ANKRD44: variants seen among roughly 807,000 people sequenced by gnomAD.
ANKRD44 encodes ankyrin repeat domain 44, also known as serine/threonine-protein phosphatase 6 regulatory ankyrin repeat subunit B.
ANKRD44 carries 35 observed loss-of-function variants against 116.0 expected under a neutral mutation model. The observed-to-expected ratio is 0.30, with a 90% CI of 0.23 to 0.40. The LOEUF is 0.40. Among genes scored for constraint, ANKRD44 ranks in the 10% least tolerant of loss-of-function variants. The probability of loss-of-function intolerance (pLI) is 1.00; values close to 1 mark genes in which losing one functional copy is unlikely to be tolerated. For synonymous variants in ANKRD44, 435 were observed against 461.8 expected, an observed-to-expected ratio of 0.94 and a Z score of 0.74; for missense variants, 1,014 against 1,242.6, an observed-to-expected ratio of 0.82 and a Z score of 2.77.
rs578098852 is a variant in ANKRD44, at chr2:197,100,880, T to C, written c.986-950A>G. ...TTTTTATTTCACTAAATTTCTTTTT[T>C]TCTCTCCCTTTTTCGTGTGTGTGTA... On this transcript the variant is annotated intron_variant, in intron 9 of 27. Coordinates refer to ENST00000282272, the MANE Select transcript of ANKRD44 (RefSeq NM_001195144.2). Among the ~76,000 whole-genome samples the C allele has an allele frequency of 3.3e-5, 5 of 152,350 alleles. No homozygotes were observed. The South Asian group carries it at 1.0e-3, about 32-fold the overall frequency.
At chr2:197,098,798 A>G (rs898043749) in intron 10 of ANKRD44, among the ~76,000 whole-genome samples, 2 of 152,206 alleles carry the variant, frequency 1.3e-5, no homozygotes, top group African/African-American at 4.8e-5. Context: ...AAGTACTAGT[A>G]TTACTAGTAT....
chr2:197,260,891 G>T, intron 1 of ANKRD44, among the ~76,000 whole-genome samples: 1 of 62,164 alleles, frequency 1.6e-5, no homozygotes. Flanking sequence ...AGAAGTGTCT[G>T]TTCATGTCCT....
intron 1 of ANKRD44, among the ~76,000 whole-genome samples, chr2:197,192,954 T>G (rs1370705101): frequency 6.6e-6 from 1 of 152,218 alleles, no homozygotes; most frequent in Non-Finnish European, 1.5e-5. Flanking sequence ...CAGGCTATGC[T>G]GCAGAGTAAA....
chr2:197,010,424 G>A (rs4850407), intron 18 of ANKRD44, among the ~76,000 whole-genome samples: 16,624 of 152,046 alleles, frequency 0.11, 1,047 homozygotes, highest in East Asian at 0.16. Context: ...GCCCCTCCTC[G>A]CCCAGCGGAC....
intron 14 of ANKRD44, 22 bp downstream of exon 14, chr2:197,083,347 G>T (rs2077841786): frequency 2.5e-6 from 4 of 1,604,852 alleles, no homozygotes; most frequent in African/African-American, 2.7e-5. Context: ...CCCAGAGGAA[G>T]CATGAGCAAG....
chr2:196,999,132 G>A, intron 23 of ANKRD44, 80 bp from the exon 24 acceptor site: 2 of 1,513,510 alleles, frequency 1.3e-6, no homozygotes, highest in Non-Finnish European at 1.8e-6. Context: ...ACATGCACAA[G>A]GTGTTGTCTT....
intron 1 of ANKRD44, among the ~76,000 whole-genome samples, chr2:197,264,693 G>A (rs1306948749): frequency 6.6e-6 from 1 of 152,158 alleles, no homozygotes; most frequent in Non-Finnish European, 1.5e-5. Context: ...TCTCTAGCCA[G>A]AGATGGCAGG....
chr2:197,162,546 AG>A (rs2079992833), intron 2 of ANKRD44, among the ~76,000 whole-genome samples: 1 of 152,362 alleles, frequency 6.6e-6, no homozygotes, highest in South Asian at 2.1e-4. Flanking sequence ...TTGAGAACCA[AG>A]GACATTAGAC....
chr2:197,086,601 A>T, intron 13 of ANKRD44, 79 bp downstream of exon 13: 1 of 1,388,616 alleles, frequency 7.2e-7, no homozygotes, highest in South Asian at 1.2e-5. Context: ...TTACCATTTC[A>T]ACCTAACTTG....
At chr2:197,017,585 G>C (rs111533468) in intron 17 of ANKRD44, among the ~76,000 whole-genome samples, 6 of 152,266 alleles carry the variant, frequency 3.9e-5, no homozygotes, top group African/African-American at 1.4e-4. Context: ...AACAACTCAT[G>C]CTGATGAATC....
chr2:197,167,913 T>A (rs1470043432), intron 2 of ANKRD44, among the ~76,000 whole-genome samples: 1 of 152,250 alleles, frequency 6.6e-6, no homozygotes, highest in African/African-American at 2.4e-5. Flanking sequence ...CATCTCTTTT[T>A]ATCTAGCATT....
chr2:197,078,969 T>TTGTGTGTG (rs59690082), intron 15 of ANKRD44, among the ~76,000 whole-genome samples, 155 bp from the exon 16 acceptor site: 11,816 of 147,104 alleles, frequency 0.08, 530 homozygotes, highest in Non-Finnish European at 0.1. Context: ...GTGTTGAAAA[T>TTGTGTGTG]TGTGTGTGTG....
chr2:197,243,179 C>T (rs559293104), intron 1 of ANKRD44, among the ~76,000 whole-genome samples: 1 of 152,240 alleles, frequency 6.6e-6, no homozygotes, highest in South Asian at 2.1e-4. Flanking sequence ...CAAAACAAAA[C>T]AAAGTCCACC....
chr2:197,056,316 C>T (rs1436442226), intron 16 of ANKRD44, among the ~76,000 whole-genome samples: 1 of 151,426 alleles, frequency 6.6e-6, no homozygotes, highest in Admixed American at 6.6e-5. Flanking sequence ...TTTGATGAAT[C>T]TGTAAATGAG....
chr2:197,026,559 G>A (rs965121507), intron 16 of ANKRD44, among the ~76,000 whole-genome samples: 17 of 152,218 alleles, frequency 1.1e-4, no homozygotes, highest in African/African-American at 3.9e-4. Flanking sequence ...AAGTGAGCGA[G>A]GGTGAGAATG....
intron 20 of ANKRD44, among the ~76,000 whole-genome samples, chr2:197,007,496 T>C (rs934536697): frequency 1.3e-5 from 2 of 152,220 alleles, no homozygotes; most frequent in Non-Finnish European, 2.9e-5. Flanking sequence ...CTGCAAATTT[T>C]CTATGATATA....
chr2:197,131,337 G>A (rs933238331), intron 4 of ANKRD44, among the ~76,000 whole-genome samples: 18 of 151,598 alleles, frequency 1.2e-4, no homozygotes, highest in African/African-American at 4.4e-4. Flanking sequence ...GACTACAGGC[G>A]CCCGCTACCA....
At position 197,027,680 on chromosome 2, in the gene ANKRD44, A is replaced by AT. The variant is rs34502554; in HGVS notation, c.1651-2414dup. Among the ~76,000 whole-genome samples the AT allele has an allele frequency of 1.4e-3, 174 of 125,880 alleles. 1 individual carries two copies. Among genetic ancestry groups the AT allele is most frequent in the Non-Finnish European group, 1.6e-3 (98 of 61,114 alleles). 82.6% of individuals were successfully genotyped at this position (125,880 alleles called of 152,430 possible). On this transcript the variant is annotated intron_variant, in intron 16 of 27. Coordinates refer to ENST00000282272, the MANE Select transcript of ANKRD44 (RefSeq NM_001195144.2). ...AGATCAAGGAAAATAATGCCTGAGA[A>AT]TTTTTTTTTTTTTTTTTTTTTTAAG...
Position 197,020,662 on chromosome 2 carries a change from T to C in ANKRD44, c.1722+4534A>G, listed in dbSNP as rs2076478504. 2.6e-5 allele frequency among the ~76,000 whole-genome samples: 4 copies of C among 152,204 alleles called. No individual in the cohort carries two copies. In the South Asian group the frequency reaches 8.3e-4, roughly 31 times the overall value. ...ATTCGCTTTGTTTCTTTATCTAGTT[T>C]GTAGCTCCTGAATTTTACTATGCAT... On this transcript the variant is annotated intron_variant, in intron 17 of 27. Transcript: ENST00000282272.
Sources: gnomAD v4.1 joint callset for allele counts (sites outside exome capture counted in the v4.1 genomes callset) on GRCh38, gnomAD v4.1.1 for gene constraint, MANE v1.5 for transcripts, NCBI Gene and HGNC (gene_info 2026-07-23, HGNC 2026-07-21) for gene names.